Variants in ANK3 observed in about 807,000 individuals in gnomAD.
ANK3 encodes the protein ankyrin 3.
Under a neutral mutation model 370.9 loss-of-function variants are expected in ANK3, and 57 were observed. That is an observed-to-expected ratio of 0.15 (90% CI 0.12 to 0.19). The LOEUF (loss-of-function observed/expected upper bound fraction) is 0.19. Among genes scored for constraint, ANK3 ranks in the 10% least tolerant of loss-of-function variants. The pLI, the probability that ANK3 is intolerant of heterozygous loss-of-function variation, is 1.00. For synonymous variants in ANK3, 1,929 were observed against 1,946.3 expected (o/e 0.99, Z 0.23); for missense variants, 4,439 against 5,302.1 (o/e 0.84, Z 5.06).
At chr10:60,217,920 T>C (rs1249828800) in intron 8 of ANK3, among the ~76,000 whole-genome samples, 1 of 152,176 alleles carries the variant, frequency 6.6e-6, no homozygotes, top group Non-Finnish European at 1.5e-5. Flanking sequence ...GAACTTGTTT[T>C]ATGAATCTGA....
At chr10:60,154,748 T>C (rs1427290731) in intron 23 of ANK3, among the ~76,000 whole-genome samples, 2 of 152,162 alleles carry the variant, frequency 1.3e-5, no homozygotes, top group Non-Finnish European at 2.9e-5. Flanking sequence ...TGAGCCGAGA[T>C]CATGCCACTG....
intron 25 of ANK3, among the ~76,000 whole-genome samples, chr10:60,116,834 C>T (rs1224022932): frequency 3.3e-5 from 5 of 152,024 alleles, no homozygotes; most frequent in African/African-American, 1.2e-4. Flanking sequence ...AGAAACTTTT[C>T]CAGAGCCAAA....
At chr10:60,732,181 TA>T (rs576223920) in intron 1 of ANK3, among the ~76,000 whole-genome samples, 6 of 149,342 alleles carry the variant, frequency 4.0e-5, no homozygotes, top group South Asian at 2.1e-4. Flanking sequence ...GCCCACGATT[TA>T]AAAAAAAAAC....
At chr10:60,687,357 A>T (rs1051076786) in intron 1 of ANK3, among the ~76,000 whole-genome samples, 1 of 152,172 alleles carries the variant, frequency 6.6e-6, no homozygotes. Flanking sequence ...GCAAATAAAC[A>T]CCTAGGAACC....
chr10:60,516,610 C>T (rs1480767914), intron 2 of ANK3, among the ~76,000 whole-genome samples: 2 of 151,986 alleles, frequency 1.3e-5, no homozygotes, highest in Non-Finnish European at 2.9e-5. Context: ...CCACTCCCAT[C>T]AGAAAATGGA....
At position 60,493,156 on chromosome 10, in the gene ANK3, G is replaced by A. The variant is rs77421832; in HGVS notation, c.96+122030C>T. 2.5e-3 allele frequency among the ~76,000 whole-genome samples: 377 copies of A among 151,956 alleles called. 6 individuals carry two copies. The highest frequency in any genetic ancestry group is 0.024 in the East Asian group (122 of 5,174). ...AAGATGAGGGCACTGGGAAAGGCACGACTCATTTACATGCTAAAGAGGTAA... is the reference window on the plus strand; with the variant it reads ...AAGATGAGGGCACTGGGAAAGGCACAACTCATTTACATGCTAAAGAGGTAA... On this transcript the variant is annotated intron_variant, in intron 2 of 43. Coordinates refer to the ANK3 transcript ENST00000373827.
At chr10:60,480,975 T>G (rs1395247588) in intron 2 of ANK3, among the ~76,000 whole-genome samples, 1 of 152,178 alleles carries the variant, frequency 6.6e-6, no homozygotes, top group African/African-American at 2.4e-5. Context: ...TGAACTAGAC[T>G]GCCAGTGCAC....
chr10:60,356,985 C>T lies in ANK3; in HGVS notation c.114+32440G>A, dbSNP rs143212309. ...TGGCCTCCTAAAATTCTGGGATTAC[C>T]GGCGTGAGCCACCGTGCCTGGCCCA... On this transcript the variant is annotated intron_variant, in intron 1 of 43. Transcript: ENST00000280772. Among the ~76,000 whole-genome samples, 250 of 152,218 alleles carry T rather than the reference C, an allele frequency of 1.6e-3. 2 individuals carry two copies. Among genetic ancestry groups the T allele is most frequent in the Admixed American group, 4.2e-3 (64 of 15,296 alleles).
chr10:60,289,862 T>C (rs949365918), intron 1 of ANK3, among the ~76,000 whole-genome samples: 1 of 152,204 alleles, frequency 6.6e-6, no homozygotes, highest in African/African-American at 2.4e-5. Context: ...TAAGATAACG[T>C]CCAACAAAAA....
At chr10:60,412,597 A>G (rs2132932847) in intron 2 of ANK3, among the ~76,000 whole-genome samples, 1 of 152,320 alleles carries the variant, frequency 6.6e-6, no homozygotes, top group African/African-American at 2.4e-5. Flanking sequence ...CTGTTTCTCC[A>G]GAACACCCTA....
chr10:60,350,168 T>G (rs7073512), intron 1 of ANK3, among the ~76,000 whole-genome samples: 106,148 of 152,054 alleles, frequency 0.7, 38,321 homozygotes, highest in South Asian at 0.91. Context: ...GACAATGTAT[T>G]CAATGTATGT....
chr10:60,365,781 C>T (rs1002905302), intron 1 of ANK3, among the ~76,000 whole-genome samples: 1 of 152,086 alleles, frequency 6.6e-6, no homozygotes, highest in African/African-American at 2.4e-5. Context: ...AAGCCCAAGG[C>T]CACACTGTTA....
intron 1 of ANK3, among the ~76,000 whole-genome samples, chr10:60,682,730 A>G (rs74155688): frequency 0.012 from 1,791 of 152,306 alleles, 35 homozygotes; most frequent in African/African-American, 0.04. Flanking sequence ...CTGAACACCT[A>G]GAGGTTCCTG....
chr10:60,082,494 G>T, intron 34 of ANK3, 121 bp downstream of exon 34: 1 of 1,334,990 alleles, frequency 7.5e-7, no homozygotes. Flanking sequence ...TACACGAGGA[G>T]ACTAATACAA....
chr10:60,421,999 G>C (rs2063788367), intron 2 of ANK3, among the ~76,000 whole-genome samples: 1 of 152,088 alleles, frequency 6.6e-6, no homozygotes, highest in African/African-American at 2.4e-5. Flanking sequence ...ATTTTTATAA[G>C]TAAATAAAAG....
chr10:60,306,977 G>A (rs551532054), intron 1 of ANK3, among the ~76,000 whole-genome samples: 34 of 152,162 alleles, frequency 2.2e-4, no homozygotes, highest in African/African-American at 6.0e-4. Flanking sequence ...CGATCTACCC[G>A]CCTCAGGCTC....
chr10:60,330,860 C>T (rs2051073100), intron 1 of ANK3, among the ~76,000 whole-genome samples: 1 of 152,100 alleles, frequency 6.6e-6, no homozygotes, highest in Non-Finnish European at 1.5e-5. Flanking sequence ...AGACTTGGAA[C>T]CAACCCAAAT....
At chr10:60,714,003 C>T (rs2079747777) in intron 1 of ANK3, among the ~76,000 whole-genome samples, 1 of 151,218 alleles carries the variant, frequency 6.6e-6, no homozygotes, top group African/African-American at 2.4e-5. Context: ...CCAGGCTAAC[C>T]CAGAAAAAGA....
rs778435681 is a variant in ANK3, at chr10:60,203,011, G to A, written c.1383C>T (p.Thr461=). The A allele has an allele frequency of 6.2e-7, 1 of 1,610,028 alleles. No individual in the cohort carries two copies. The highest frequency in any genetic ancestry group is 1.1e-5 in the South Asian group (1 of 90,734). The change falls in exon 12 of 44, where the codon ACC becomes ACT. Residue 461 remains threonine (T), a synonymous_variant. Transcript: ENST00000280772. The stretch of plus-strand genomic sequence containing the variant: ...TTCAAAGAATACTTACCACATTGGT[G>A]GTGTTTGGTGAGGCTCCATGATGCA... ...QLMHHGASPN[T]TNVRGETALH... is the part of the protein sequence containing the mutation.
Sources: gnomAD v4.1 joint callset for allele counts (sites outside exome capture counted in the v4.1 genomes callset) on GRCh38, gnomAD v4.1.1 for gene constraint, MANE v1.5 for transcripts, NCBI Gene and HGNC (gene_info 2026-07-23, HGNC 2026-07-21) for gene names.